Variants in MAGOH observed in about 807,000 individuals in gnomAD.
MAGOH encodes mago homolog, exon junction complex subunit, also known as protein mago nashi homolog.
Under a neutral mutation model 20.9 loss-of-function variants are expected in MAGOH, and 3 were observed. The ratio of observed to expected loss-of-function variants is 0.14; its 90% CI spans 0.07 to 0.37. MAGOH has a LOEUF of 0.37. MAGOH is among the 10% of genes least tolerant of loss of function. MAGOH has a pLI of 1.00. For synonymous variants in MAGOH, 51 were observed against 61.0 expected, an observed-to-expected ratio of 0.84 and a Z score of 0.76; for missense variants, 66 against 178.1, an observed-to-expected ratio of 0.37 and a Z score of 3.58.
At position 53,238,436 on chromosome 1, in the gene MAGOH, A is replaced by G; in HGVS notation, c.13T>C (p.Phe5Leu). The change falls in exon 1 of 5, where the codon TTT (phenylalanine) becomes CTT (leucine). Residue 5 changes from phenylalanine (F) to leucine (L), a missense_variant. Coordinates refer to ENST00000371470, the MANE Select transcript of MAGOH (RefSeq NM_002370.4). ...TGCCCCACGTAGTAACGCAGATAAA[A>G]GTCACTCTCCATGGCTCCCAAAAGA... MESD[F>L]YLRYYVGHKG... 6.2e-7 allele frequency: 1 copy of G among 1,614,070 alleles called. No homozygotes were observed. The highest frequency in any genetic ancestry group is 8.5e-7 in the Non-Finnish European group (1 of 1,179,888).
rs1367615674 is a variant in MAGOH at position 53,238,469 on chromosome 1, G to C, written c.-21C>G. The C allele has an allele frequency of 1.9e-6, 3 of 1,607,082 alleles. No individual in the cohort carries two copies. Among genetic ancestry groups the C allele is most frequent in the Non-Finnish European group, 1.7e-6 (2 of 1,173,548 alleles). On this transcript the variant is annotated 5_prime_UTR_variant, in exon 1 of 5. Coordinates refer to ENST00000371470, the MANE Select transcript of MAGOH (RefSeq NM_002370.4). ...TCCATGGCTCCCAAAAGACAACCGA[G>C]CCTGAACTTCCAAGAGCAAGCCGCA...
At chr1:53,238,223 C>A in intron 1 of MAGOH, 138 bp downstream of exon 1, 1 of 711,140 alleles carries the variant, frequency 1.4e-6, no homozygotes, top group Non-Finnish European at 2.5e-6. Context: ...GACACAGTGG[C>A]GTTCCTTTAA....
At chr1:53,232,927 G>A (rs1645593200) in intron 3 of MAGOH, among the ~76,000 whole-genome samples, 1 of 152,026 alleles carries the variant, frequency 6.6e-6, no homozygotes, top group Non-Finnish European at 1.5e-5. Context: ...ATGGTGAAAC[G>A]CCATCTCTAC....
rs748583764 is a variant in MAGOH at position 53,238,454 on chromosome 1, C to T, written c.-6G>A. ...AGATAAAAGTCACTCTCCATGGCTCCCAAAAGACAACCGAGCCTGAACTTC... is the reference window on the plus strand; with the variant it reads ...AGATAAAAGTCACTCTCCATGGCTCTCAAAAGACAACCGAGCCTGAACTTC... On this transcript the variant is annotated 5_prime_UTR_variant, in exon 1 of 5. Transcript: ENST00000371470. 1.4e-5 allele frequency: 23 copies of T among 1,613,226 alleles called. No individual in the cohort carries two copies. Among genetic ancestry groups the T allele is most frequent in the Non-Finnish European group, 1.7e-5 (20 of 1,179,158 alleles).
chr1:53,234,373 C>CTTTTTT, intron 2 of MAGOH, among the ~76,000 whole-genome samples: 1 of 132,714 alleles, frequency 7.5e-6, no homozygotes. Context: ...CCTGGTTATT[C>CTTTTTT]TTTTTTTTTT....
At position 53,238,473 on chromosome 1, in the gene MAGOH, G is replaced by T; in HGVS notation, c.-25C>A. 6.2e-7 allele frequency: 1 copy of T among 1,601,602 alleles called. No homozygotes were observed. The highest frequency in any genetic ancestry group is 8.6e-7 in the Non-Finnish European group (1 of 1,168,544). On this transcript the variant is annotated 5_prime_UTR_variant, in exon 1 of 5. Transcript: ENST00000371470. ...TGGCTCCCAAAAGACAACCGAGCCT[G>T]AACTTCCAAGAGCAAGCCGCACTGC... is the stretch of plus-strand genomic sequence containing the variant.
intron 1 of MAGOH, 111 bp from the exon 2 acceptor site, chr1:53,235,746 G>T: frequency 1.3e-6 from 1 of 775,746 alleles, no homozygotes; most frequent in Non-Finnish European, 2.2e-6. Context: ...TGCTAAAAGT[G>T]TCTAACAGAT....
In MAGOH at chr1:53,233,665, T is replaced by A. The variant is rs755739058; in HGVS notation, c.148-13A>T. 1 of 1,538,734 alleles carries A rather than the reference T, an allele frequency of 6.5e-7. No individual in the cohort carries two copies. Among genetic ancestry groups the A allele is most frequent in the South Asian group, 1.1e-5 (1 of 89,068 alleles). ...TATGTACATAAGCCTGAACGCAAGTTAAAAAACAAAATGTATGTTGTATCC... is the reference window on the plus strand; with the variant it reads ...TATGTACATAAGCCTGAACGCAAGTAAAAAAACAAAATGTATGTTGTATCC... On this transcript the variant is annotated splice_polypyrimidine_tract_variant and intron_variant, in intron 2 of 4. Coordinates refer to ENST00000371470, the MANE Select transcript of MAGOH (RefSeq NM_002370.4).
At chr1:53,229,401 C>G (rs536701119) in intron 3 of MAGOH, among the ~76,000 whole-genome samples, 3 of 151,934 alleles carry the variant, frequency 2.0e-5, no homozygotes, top group Non-Finnish European at 4.4e-5. Flanking sequence ...GGGGTTTCAC[C>G]GTGTTAGCCA....
At chr1:53,234,284 A>C (rs935391270) in intron 2 of MAGOH, among the ~76,000 whole-genome samples, 1 of 152,134 alleles carries the variant, frequency 6.6e-6, no homozygotes, top group Non-Finnish European at 1.5e-5. Flanking sequence ...AATTGTGAGA[A>C]ATATATTTTT....
At chr1:53,237,474 A>G (rs892342153) in intron 1 of MAGOH, among the ~76,000 whole-genome samples, 3 of 150,232 alleles carry the variant, frequency 2.0e-5, no homozygotes, top group African/African-American at 7.3e-5. Context: ...CAGGAGTTCG[A>G]GACCAGCCTG....
rs144146325 is a variant in MAGOH at position 53,237,998 on chromosome 1, A to G, written c.88+363T>C. Among the ~76,000 whole-genome samples, 1,118 of 152,304 alleles carry G rather than the reference A, an allele frequency of 7.3e-3. 14 individuals carry two copies. Among genetic ancestry groups the G allele is most frequent in the Non-Finnish European group, 0.011 (771 of 68,006 alleles). Reference sequence around the variant, plus strand: ...CAACCTATCTAAAAGCAGCCCATCCAGCAATTATTCTACCATGTTATTTTT... The same window carrying G: ...CAACCTATCTAAAAGCAGCCCATCCGGCAATTATTCTACCATGTTATTTTT... On this transcript the variant is annotated intron_variant, in intron 1 of 4. Transcript: ENST00000371470.
chr1:53,229,462 C>A (rs1031930537), intron 3 of MAGOH, among the ~76,000 whole-genome samples: 13 of 152,158 alleles, frequency 8.5e-5, no homozygotes, highest in African/African-American at 3.1e-4. Flanking sequence ...CCATGTTGGC[C>A]AGGCTGGTCT....
At chr1:53,232,185 C>T (rs1344644085) in intron 3 of MAGOH, among the ~76,000 whole-genome samples, 9 of 151,968 alleles carry the variant, frequency 5.9e-5, no homozygotes, top group Non-Finnish European at 1.3e-4. Context: ...TTAAAGTTAA[C>T]TTTAGTAAGT....
chr1:53,238,277 C>T, intron 1 of MAGOH, 84 bp downstream of exon 1: 2 of 1,257,602 alleles, frequency 1.6e-6, no homozygotes, highest in Non-Finnish European at 2.3e-6. Flanking sequence ...CTCTAGTTCC[C>T]CACAGATTTC....
chr1:53,238,213 G>A (rs995553541), intron 1 of MAGOH, 148 bp downstream of exon 1: 1 of 679,154 alleles, frequency 1.5e-6, no homozygotes, highest in Non-Finnish European at 2.6e-6. Flanking sequence ...CCGTGGAGCA[G>A]ACACAGTGGC....
chr1:53,237,673 C>CAAAAAAAAAAAAAAAAAA lies in MAGOH; in HGVS notation c.88+670_88+687dup, dbSNP rs1231950502. On this transcript the variant is annotated intron_variant, in intron 1 of 4. Coordinates refer to ENST00000371470, the MANE Select transcript of MAGOH (RefSeq NM_002370.4). ...TGGGCAAAAAGAGCGAAAGCCGTCT[C>CAAAAAAAAAAAAAAAAAA]AAAAAAAAAAAAAAAAAAAAGGCCT... 1.8e-3 allele frequency among the ~76,000 whole-genome samples: 98 copies of CAAAAAAAAAAAAAAAAAA among 55,320 alleles called. 7 individuals carry two copies. Among genetic ancestry groups the CAAAAAAAAAAAAAAAAAA allele is most frequent in the East Asian group, 8.2e-3 (12 of 1,468 alleles). 36.3% of individuals were successfully genotyped at this position (55,320 alleles called of 152,430 possible).
At chr1:53,233,313 A>C (rs1342328327) in intron 3 of MAGOH, 2 of 397,344 alleles carry the variant, frequency 5.0e-6, no homozygotes, top group Non-Finnish European at 9.0e-6. Flanking sequence ...ATATACATTA[A>C]TGTATATAAA....
Position 53,228,919 on chromosome 1 carries a change from A to G in MAGOH, c.294T>C (p.Ser98=), listed in dbSNP as rs1645572990. 1 of 1,613,666 alleles carries G rather than the reference A, an allele frequency of 6.2e-7. No homozygotes were observed. Among genetic ancestry groups the G allele is most frequent in the Non-Finnish European group, 8.5e-7 (1 of 1,179,582 alleles). ...LEIVIGDEHI[S]FTTSKIGSLI... ...GGGAACCAATTTTTGATGTTGTAAA[A>G]GAAATGTGTTCATCTCCAATGACGA... The change falls in exon 4 of 5, where the codon TCT becomes TCC. Residue 98 remains serine (S), a synonymous_variant. Coordinates refer to ENST00000371470, the MANE Select transcript of MAGOH (RefSeq NM_002370.4).
Sources: allele counts gnomAD v4.1 joint callset (sites outside exome capture counted in the v4.1 genomes callset), GRCh38; gene constraint gnomAD v4.1.1; transcripts MANE v1.5; gene names NCBI Gene and HGNC (gene_info 2026-07-23, HGNC 2026-07-21).